UPRT: variants seen among roughly 807,000 people sequenced by gnomAD.
UPRT encodes RP11-311P8.3.
In UPRT, 5 loss-of-function variants were observed where a neutral mutation model predicts 22.6. The observed-to-expected ratio is 0.22, with a 90% CI of 0.12 to 0.47. The LOEUF is 0.47. Ranked by LOEUF, UPRT falls within the 20% of genes least tolerant of loss-of-function variation. The pLI, the probability that UPRT is intolerant of heterozygous loss-of-function variation, is 0.99. For synonymous variants in UPRT, 77 were observed against 87.7 expected (o/e 0.88, Z 0.68); for missense variants, 181 against 239.9 (o/e 0.75, Z 1.62).
intron 4 of UPRT, among the ~76,000 whole-genome samples, chrX:75,248,530 A>C (rs2082515628): frequency 8.9e-6 from 1 of 111,964 alleles, no homozygotes; most frequent in African/African-American, 3.2e-5. Context: ...AAAGAAATGA[A>C]CAAAGCCTCC....
intron 3 of UPRT, among the ~76,000 whole-genome samples, chrX:75,166,642 C>G (rs1027216916): frequency 3.6e-5 from 4 of 111,459 alleles, no homozygotes; most frequent in African/African-American, 1.3e-4. Flanking sequence ...GATAAATGAA[C>G]AATTCTATGA....
intron 4 of UPRT, among the ~76,000 whole-genome samples, chrX:75,178,883 G>T (rs191274984): frequency 9.0e-6 from 1 of 111,707 alleles, no homozygotes; most frequent in East Asian, 2.8e-4. Flanking sequence ...GCTGGCTAGC[G>T]CAGCCTGCTT....
rs765974714 is a variant in UPRT, at chrX:75,200,115, C to T, written c.-447+32236C>T. On this transcript the variant is annotated intron_variant, in intron 4 of 13. Coordinates refer to the UPRT transcript ENST00000652605. ...TTTTCTTCTTTTCCCTTACCAGCAACACTAACTTTCCTATTGCGTTCTTTC... is the reference window on the plus strand; with the variant it reads ...TTTTCTTCTTTTCCCTTACCAGCAATACTAACTTTCCTATTGCGTTCTTTC... Among the ~76,000 whole-genome samples the T allele has an allele frequency of 1.2e-4, 13 of 112,232 alleles. No individual in the cohort carries two copies. The East Asian group carries it at 3.1e-3, about 26-fold the overall frequency.
chrX:75,244,194 A>T (rs1024660599), intron 4 of UPRT, among the ~76,000 whole-genome samples: 3 of 111,916 alleles, frequency 2.7e-5, no homozygotes, highest in Admixed American at 1.9e-4. Context: ...AACAATGGAA[A>T]ACAGAGAGCC....
chrX:75,215,935 T>C (rs2082391671), intron 4 of UPRT, among the ~76,000 whole-genome samples: 1 of 112,049 alleles, frequency 8.9e-6, no homozygotes, highest in Admixed American at 9.5e-5. Context: ...TGGGGAATTC[T>C]ATAAACATTT....
chrX:75,197,766 T>C (rs1301922535), intron 4 of UPRT, among the ~76,000 whole-genome samples: 1 of 111,631 alleles, frequency 9.0e-6, no homozygotes, highest in Non-Finnish European at 1.9e-5. Flanking sequence ...GAAAAGCAAA[T>C]GAAAAACATA....
chrX:75,235,657 A>C (rs990469668), intron 4 of UPRT, among the ~76,000 whole-genome samples: 22 of 112,047 alleles, frequency 2.0e-4, no homozygotes, highest in Admixed American at 6.7e-4. Context: ...GCAAATCAAT[A>C]AATGTAATCC....
At chrX:75,208,471 A>C (rs2082372240) in intron 4 of UPRT, among the ~76,000 whole-genome samples, 1 of 111,711 alleles carries the variant, frequency 9.0e-6, no homozygotes, top group Admixed American at 9.5e-5. Flanking sequence ...GAAACCAAAA[A>C]GACTTTGGGA....
chrX:75,249,571 T>G (rs181901747), intron 4 of UPRT, among the ~76,000 whole-genome samples: 3 of 111,186 alleles, frequency 2.7e-5, no homozygotes, highest in East Asian at 5.7e-4. Context: ...AAGTCCTTAG[T>G]GACCTACAAA....
At chrX:75,225,323 C>CCACACACACACACACACA (rs57493246) in intron 4 of UPRT, among the ~76,000 whole-genome samples, 20 of 82,037 alleles carry the variant, frequency 2.4e-4, no homozygotes, top group African/African-American at 7.5e-4. Flanking sequence ...AAACCAAAAA[C>CCACACACACACACACACA]CACACACACA....
intron 2 of UPRT, chrX:75,294,502 A>G: frequency 2.3e-6 from 2 of 860,327 alleles, no homozygotes; most frequent in Non-Finnish European, 2.9e-6. Context: ...CAAAGTTATA[A>G]TCAGATTAAG....
At chrX:75,216,864 C>T (rs775248710) in intron 4 of UPRT, among the ~76,000 whole-genome samples, 1 of 112,104 alleles carries the variant, frequency 8.9e-6, no homozygotes, top group Admixed American at 9.4e-5. Flanking sequence ...ACGCCATTCT[C>T]CTGCCTCAGC....
At chrX:75,246,278 C>T (rs1378843665) in intron 4 of UPRT, among the ~76,000 whole-genome samples, 5 of 84,536 alleles carry the variant, frequency 5.9e-5, no homozygotes, top group East Asian at 4.2e-4. Context: ...CGACAGGCCT[C>T]GGTGTGTGAT....
At chrX:75,234,990 A>T (rs1350480191) in intron 4 of UPRT, among the ~76,000 whole-genome samples, 2 of 112,029 alleles carry the variant, frequency 1.8e-5, no homozygotes, top group African/African-American at 3.3e-5. Context: ...AAATCAATGA[A>T]TCCAGGAGCT....
In UPRT at chrX:75,250,664, C is replaced by A. The variant is rs778214265; in HGVS notation, c.-446-40360C>A. On this transcript the variant is annotated intron_variant, in intron 4 of 13. Transcript: ENST00000652605. ...GGAGCTGGTACCATTCCTTCTGAAA[C>A]TATTCCAATCAATAGAAAAAGAGGG... is the stretch of plus-strand genomic sequence containing the variant. 8.3e-3 allele frequency among the ~76,000 whole-genome samples: 919 copies of A among 111,355 alleles called. 12 individuals carry two copies. Among genetic ancestry groups the A allele is most frequent in the African/African-American group, 0.028 (845 of 30,628 alleles).
At position 75,232,822 on chromosome X, in the gene UPRT, C is replaced by A. The variant is rs747342455; in HGVS notation, c.-446-58202C>A. On this transcript the variant is annotated intron_variant, in intron 4 of 13. Coordinates refer to the UPRT transcript ENST00000652605. ...ATCAAAGACCAAAAGTAGATAAAAC[C>A]ACAAAGATGGGGAAAAAACAGAGCA... is the stretch of plus-strand genomic sequence containing the variant. Among the ~76,000 whole-genome samples the A allele has an allele frequency of 3.6e-3, 397 of 111,455 alleles. 5 individuals carry two copies. The highest frequency in any genetic ancestry group is 0.012 in the African/African-American group (376 of 30,736).
intron 4 of UPRT, among the ~76,000 whole-genome samples, chrX:75,205,674 G>C (rs1016839432): frequency 8.9e-6 from 1 of 111,834 alleles, no homozygotes; most frequent in Admixed American, 9.5e-5. Flanking sequence ...AGGTTGGAGA[G>C]GTTAGGAGGA....
intron 4 of UPRT, among the ~76,000 whole-genome samples, chrX:75,194,413 G>A (rs761629310): frequency 2.8e-4 from 31 of 111,350 alleles, no homozygotes; most frequent in South Asian, 1.5e-3. Flanking sequence ...GTAGGGTGGC[G>A]GTACCTGGAT....
At chrX:75,271,439 C>T (rs920981394), upstream of UPRT, among the ~76,000 whole-genome samples, 5 of 111,707 alleles carry the variant, frequency 4.5e-5, no homozygotes, top group Non-Finnish European at 5.6e-5. Context: ...ATTGGCTAAC[C>T]ACATGTAGGA....
Sources: allele counts gnomAD v4.1 joint callset (sites outside exome capture counted in the v4.1 genomes callset), GRCh38; gene constraint gnomAD v4.1.1; transcripts MANE v1.5; gene names NCBI Gene and HGNC (gene_info 2026-07-23, HGNC 2026-07-21).